The following INPP5A variants were observed in gnomAD, a reference collection of about 807,000 sequenced individuals.
INPP5A encodes inositol polyphosphate-5-phosphatase A, also known as 43 kDa inositol polyphosphate 5-phophatase.
INPP5A carries 14 observed loss-of-function variants against 65.2 expected under a neutral mutation model. The ratio of observed to expected loss-of-function variants is 0.21; its 90% CI spans 0.14 to 0.34. The LOEUF is 0.34. Among genes scored for constraint, INPP5A ranks in the 10% least tolerant of loss-of-function variants. The pLI is 1.00. For synonymous variants in INPP5A, 207 were observed against 208.3 expected (o/e 0.99, Z 0.05); for missense variants, 431 against 545.6 (o/e 0.79, Z 2.09).
At chr10:132,623,348 A>C (rs1049886030) in intron 2 of INPP5A, among the ~76,000 whole-genome samples, 2 of 152,144 alleles carry the variant, frequency 1.3e-5, no homozygotes, top group Admixed American at 6.5e-5. Flanking sequence ...TCACACATAC[A>C]GTTAGGATTG....
chr10:132,717,786 A>G (rs1354539889), intron 8 of INPP5A, among the ~76,000 whole-genome samples: 116 of 75,410 alleles, frequency 1.5e-3, no homozygotes, highest in Middle Eastern at 0.025. Flanking sequence ...ACCTTAGACG[A>G]CTGTCTTCAG....
intron 1 of INPP5A, among the ~76,000 whole-genome samples, chr10:132,580,135 C>T (rs1222352507): frequency 3.3e-5 from 5 of 152,056 alleles, no homozygotes; most frequent in Non-Finnish European, 5.9e-5. Context: ...AATTATTTGG[C>T]AACTTGCAGT....
At chr10:132,714,949 C>T (rs1361086367) in intron 8 of INPP5A, among the ~76,000 whole-genome samples, 4 of 152,184 alleles carry the variant, frequency 2.6e-5, no homozygotes, top group African/African-American at 9.7e-5. Flanking sequence ...GTGAGGAGGA[C>T]CAGGCTCTGG....
chr10:132,591,047 C>T lies in INPP5A; in HGVS notation c.76-16868C>T, dbSNP rs983337773. ...CCCAGCTTGGCGGGAGGAGGCTCCT[C>T]ATGTATGACGCCATTTGGGGATCTT... On this transcript the variant is annotated intron_variant, in intron 1 of 15. Coordinates refer to ENST00000368594, the MANE Select transcript of INPP5A (RefSeq NM_005539.5). Among the ~76,000 whole-genome samples, 5 of 152,336 alleles carry T rather than the reference C, an allele frequency of 3.3e-5. No individual in the cohort carries two copies. The East Asian group carries it at 9.6e-4, about 29-fold the overall frequency.
intron 1 of INPP5A, among the ~76,000 whole-genome samples, chr10:132,566,533 C>T (rs2071277042): frequency 1.3e-5 from 2 of 152,150 alleles, no homozygotes; most frequent in African/African-American, 2.4e-5. Context: ...ATACTAGAAA[C>T]GTAAGGATAA....
At chr10:132,567,962 G>A (rs1294094991) in intron 1 of INPP5A, among the ~76,000 whole-genome samples, 2 of 151,900 alleles carry the variant, frequency 1.3e-5, no homozygotes, top group Non-Finnish European at 2.9e-5. Context: ...GGAGGCCGAG[G>A]CGGGCGGATC....
Position 132,650,931 on chromosome 10 carries a change from A to G in INPP5A, c.306+426A>G, listed in dbSNP as rs796238616. ...GTCCCTTCCTGATCCCTGAGTGTGC[A>G]GGGCTGGGGCGGTGTCCTGCCTCGG... On this transcript the variant is annotated intron_variant, in intron 4 of 15. Coordinates refer to ENST00000368594, the MANE Select transcript of INPP5A (RefSeq NM_005539.5). The surrounding 1 kb of genome is among the most constrained non-coding windows in gnomAD (Gnocchi z 5.5). Among the ~76,000 whole-genome samples, 231 of 152,264 alleles carry G rather than the reference A, an allele frequency of 1.5e-3. 3 individuals are homozygous for G. The highest frequency in any genetic ancestry group is 5.1e-3 in the African/African-American group (214 of 41,558).
chr10:132,597,509 G>A (rs1189353055), intron 1 of INPP5A, among the ~76,000 whole-genome samples: 1 of 152,194 alleles, frequency 6.6e-6, no homozygotes, highest in East Asian at 1.9e-4. Context: ...TATTTCAGTT[G>A]TGAATTTTAA....
intron 2 of INPP5A, among the ~76,000 whole-genome samples, chr10:132,611,979 G>T (rs1298880439): frequency 7.2e-6 from 1 of 139,362 alleles, no homozygotes; most frequent in Non-Finnish European, 1.5e-5. Context: ...GCAGGGGAGA[G>T]GCCCTGTCAG....
rs137861598 is a variant in INPP5A, at chr10:132,603,353, A to G, written c.76-4562A>G. 2.0e-5 allele frequency among the ~76,000 whole-genome samples: 3 copies of G among 152,328 alleles called. No individual in the cohort carries two copies. Among genetic ancestry groups the G allele is most frequent in the East Asian group, 1.9e-4 (1 of 5,178 alleles). On this transcript the variant is annotated intron_variant, in intron 1 of 15. Coordinates refer to ENST00000368594, the MANE Select transcript of INPP5A (RefSeq NM_005539.5). The surrounding 1 kb of genome is among the most constrained non-coding windows in gnomAD (Gnocchi z 4.2). ...CTCCCTTCCCTTCAGAATATGCACT[A>G]TAGAAAATTACAGATCACTCCAGCT...
chr10:132,579,917 AG>A (rs1280061869), intron 1 of INPP5A, among the ~76,000 whole-genome samples: 2 of 127,876 alleles, frequency 1.6e-5, no homozygotes, highest in African/African-American at 5.7e-5. Context: ...CCTGTTTAAA[AG>A]TTTTTTTTTT....
intron 2 of INPP5A, among the ~76,000 whole-genome samples, chr10:132,622,173 A>G (rs2072118876): frequency 6.6e-6 from 1 of 152,226 alleles, no homozygotes; most frequent in African/African-American, 2.4e-5. Context: ...AAATTGGTAA[A>G]ATATGTCAAT....
chr10:132,655,852 C>G (rs2072649620), intron 4 of INPP5A, among the ~76,000 whole-genome samples: 1 of 152,266 alleles, frequency 6.6e-6, no homozygotes, highest in South Asian at 2.1e-4. Flanking sequence ...TCGCTTGTCA[C>G]CCGCCCCTCC....
At chr10:132,691,518 C>T (rs1160380112) in intron 5 of INPP5A, among the ~76,000 whole-genome samples, 1 of 152,218 alleles carries the variant, frequency 6.6e-6, no homozygotes, top group Non-Finnish European at 1.5e-5. Flanking sequence ...CAGGCTGCGC[C>T]GTGCCGCGGA....
At chr10:132,768,383 C>T (rs577110434) in intron 12 of INPP5A, among the ~76,000 whole-genome samples, 34 of 152,076 alleles carry the variant, frequency 2.2e-4, no homozygotes, top group Non-Finnish European at 4.9e-4. Context: ...GCTCACGCGC[C>T]CAGTGGCATT....
At chr10:132,561,402 C>T (rs2071203605) in intron 1 of INPP5A, among the ~76,000 whole-genome samples, 1 of 151,576 alleles carries the variant, frequency 6.6e-6, no homozygotes, top group Non-Finnish European at 1.5e-5. Context: ...TAGGGGTCTT[C>T]ATTCTTTTGC....
chr10:132,606,255 G>A (rs1381181078), intron 1 of INPP5A, among the ~76,000 whole-genome samples: 1 of 152,204 alleles, frequency 6.6e-6, no homozygotes, highest in South Asian at 2.1e-4. Flanking sequence ...CAGCGGCGTG[G>A]GTCAGTCGCC....
intron 1 of INPP5A, among the ~76,000 whole-genome samples, chr10:132,573,318 G>A (rs1287706550): frequency 2.2e-5 from 3 of 138,252 alleles, no homozygotes; most frequent in African/African-American, 8.4e-5. Flanking sequence ...GTTTTGTTGA[G>A]ATGTTGGGGT....
chr10:132,618,711 T>G (rs2072074615), intron 2 of INPP5A, among the ~76,000 whole-genome samples: 1 of 152,152 alleles, frequency 6.6e-6, no homozygotes, highest in Admixed American at 6.5e-5. Context: ...TGCTCAGCCC[T>G]TGGAGGCCTC....
Sources: gnomAD v4.1 joint callset for allele counts (sites outside exome capture counted in the v4.1 genomes callset) on GRCh38, gnomAD v4.1.1 for gene constraint, Gnocchi (gnomAD v3.1) non-coding constraint, MANE v1.5 for transcripts, NCBI Gene and HGNC (gene_info 2026-07-23, HGNC 2026-07-21) for gene names.